TENM2: variants seen among roughly 807,000 people sequenced by gnomAD.
TENM2 encodes the protein teneurin transmembrane protein 2, also known as teneurin-2.
In TENM2, 52 loss-of-function variants were observed where a neutral mutation model predicts 245.2. The observed-to-expected ratio is 0.21, with a 90% CI of 0.17 to 0.27. TENM2 has a LOEUF of 0.27. Among genes scored for constraint, TENM2 ranks in the 10% least tolerant of loss-of-function variants. The pLI is 1.00. For missense variants in TENM2, 3,046 were observed against 3,666.8 expected (o/e 0.83, Z 4.37); for synonymous variants, 1,363 against 1,438.9 (o/e 0.95, Z 1.19).
At chr5:167,934,151 G>A (rs56738437) in intron 3 of TENM2, among the ~76,000 whole-genome samples, 11,830 of 152,214 alleles carry the variant, frequency 0.078, 847 homozygotes, top group African/African-American at 0.18. Context: ...ATCATGGACA[G>A]CTTTCTTTGG....
intron 2 of TENM2, among the ~76,000 whole-genome samples, chr5:167,466,097 A>G (rs1225055368): frequency 6.6e-6 from 1 of 152,158 alleles, no homozygotes; most frequent in African/African-American, 2.4e-5. Context: ...TCTTCACACT[A>G]TATGAAGTCA....
the TENM2 span, among the ~76,000 whole-genome samples, chr5:167,047,084 T>A: frequency 6.6e-6 from 1 of 152,230 alleles, no homozygotes; most frequent in African/African-American, 2.4e-5. Flanking sequence ...GAAAGCTGCT[T>A]CAAACTAATG....
At chr5:167,815,772 G>A (rs1474669428) in intron 2 of TENM2, among the ~76,000 whole-genome samples, 3 of 148,106 alleles carry the variant, frequency 2.0e-5, no homozygotes, top group Non-Finnish European at 4.5e-5. Context: ...GTTCATGTGG[G>A]AGAATGAGAG....
rs189345648 is a variant in TENM2, at chr5:167,418,761, C to T, written c.502+43288C>T. Among the ~76,000 whole-genome samples the T allele has an allele frequency of 1.9e-3, 283 of 152,194 alleles. 1 individual carries two copies. Among genetic ancestry groups the T allele is most frequent in the Non-Finnish European group, 3.5e-3 (239 of 68,008 alleles). ...CTGGGAAGAGGAAGAGTTCATTATT[C>T]TTATGGTTTTCTTCATTATATTTTG... On this transcript the variant is annotated intron_variant, in intron 2 of 28. Transcript: ENST00000518659.
intron 2 of TENM2, among the ~76,000 whole-genome samples, chr5:167,399,707 C>G (rs1388883982): frequency 6.6e-6 from 1 of 152,034 alleles, no homozygotes; most frequent in East Asian, 1.9e-4. Flanking sequence ...ATGGAAGAAC[C>G]AAGTCATGAC....
At chr5:167,433,724 T>G (rs1764380200) in intron 2 of TENM2, among the ~76,000 whole-genome samples, 1 of 152,064 alleles carries the variant, frequency 6.6e-6, no homozygotes, top group Admixed American at 6.5e-5. Context: ...AAAGTGAAAA[T>G]ATGGTATAAA....
chr5:168,209,220 C>T (rs1033504564), intron 19 of TENM2, among the ~76,000 whole-genome samples: 2 of 152,156 alleles, frequency 1.3e-5, no homozygotes, highest in Admixed American at 6.6e-5. Context: ...TGGGGAAAAT[C>T]TTTATCAAGT....
the TENM2 span, among the ~76,000 whole-genome samples, chr5:167,067,760 C>T: frequency 6.6e-6 from 1 of 152,152 alleles, no homozygotes; most frequent in Non-Finnish European, 1.5e-5. Context: ...ATGTATTGGT[C>T]ATAACCACAG....
At chr5:168,158,850 T>C (rs867434168) in intron 12 of TENM2, among the ~76,000 whole-genome samples, 1,035 of 62,318 alleles carry the variant, frequency 0.017, 41 homozygotes, top group Middle Eastern at 0.028. Flanking sequence ...TATATATATA[T>C]ACACACACAC....
intron 2 of TENM2, among the ~76,000 whole-genome samples, chr5:167,835,986 G>A (rs1457171921): frequency 6.6e-6 from 1 of 152,064 alleles, no homozygotes; most frequent in Non-Finnish European, 1.5e-5. Context: ...CATCCACATT[G>A]TTTGATTTTT....
chr5:167,568,508 C>T (rs2127655065), intron 2 of TENM2, among the ~76,000 whole-genome samples: 1 of 152,106 alleles, frequency 6.6e-6, no homozygotes, highest in South Asian at 2.1e-4. Context: ...TAAAAACACG[C>T]TGACTTCATG....
chr5:167,855,562 T>C (rs1190650240), intron 2 of TENM2, among the ~76,000 whole-genome samples: 8 of 151,914 alleles, frequency 5.3e-5, no homozygotes, highest in Admixed American at 2.6e-4. Flanking sequence ...AGGAAAGGAC[T>C]GTTTGCTTTT....
the TENM2 span, among the ~76,000 whole-genome samples, chr5:167,101,602 G>T: frequency 2.0e-5 from 3 of 151,442 alleles, no homozygotes; most frequent in South Asian, 2.1e-4. Flanking sequence ...AGTACAAACG[G>T]CACTGCATTA....
intron 2 of TENM2, among the ~76,000 whole-genome samples, chr5:167,621,679 T>C (rs1241400481): frequency 6.6e-6 from 1 of 152,142 alleles, no homozygotes; most frequent in African/African-American, 2.4e-5. Flanking sequence ...TCATTCATTA[T>C]CACATCCCTG....
chr5:167,808,281 G>A (rs1014857475), intron 2 of TENM2, among the ~76,000 whole-genome samples: 5 of 152,090 alleles, frequency 3.3e-5, no homozygotes, highest in Non-Finnish European at 5.9e-5. Context: ...TTTGTTTGAG[G>A]TAGAGTCTCA....
chr5:167,124,877 T>TGAG, the TENM2 span, among the ~76,000 whole-genome samples: 1 of 152,172 alleles, frequency 6.6e-6, no homozygotes, highest in Non-Finnish European at 1.5e-5. Context: ...TAGCTAAATG[T>TGAG]GAGGAGCAGC....
At chr5:167,060,075 TA>T in the TENM2 span, among the ~76,000 whole-genome samples, 1 of 152,156 alleles carries the variant, frequency 6.6e-6, no homozygotes, top group Admixed American at 6.6e-5. Flanking sequence ...ACTTTTTAAT[TA>T]AAACAAATTC....
intron 6 of TENM2, among the ~76,000 whole-genome samples, chr5:168,049,361 G>T (rs1026426408): frequency 6.6e-6 from 1 of 152,178 alleles, no homozygotes; most frequent in Non-Finnish European, 1.5e-5. Context: ...TCAGAAGAAT[G>T]CATAACACAC....
the TENM2 span, among the ~76,000 whole-genome samples, chr5:167,197,501 C>A: frequency 2.4e-3 from 359 of 152,100 alleles, 1 homozygote; most frequent in South Asian, 7.7e-3. Flanking sequence ...TATACTTTTT[C>A]CTGGGGCTGA....
Sources: gnomAD v4.1 joint callset for allele counts (sites outside exome capture counted in the v4.1 genomes callset) on GRCh38, gnomAD v4.1.1 for gene constraint, MANE v1.5 for transcripts, NCBI Gene and HGNC (gene_info 2026-07-23, HGNC 2026-07-21) for gene names.